Variants in RP1 observed in about 807,000 individuals in gnomAD.
RP1 encodes the protein RP1 axonemal microtubule associated, also known as oxygen-regulated protein 1.
In RP1, 16 loss-of-function variants were observed where a neutral mutation model predicts 14.8. That is an observed-to-expected ratio of 1.08 (90% CI 0.73 to 1.65). The LOEUF (loss-of-function observed/expected upper bound fraction) is 1.65, where lower values mean the gene tolerates loss of function less well. Ranked by LOEUF, RP1 falls within the 40% of genes most tolerant of loss-of-function variation. The pLI is 0.00. For missense variants in RP1, 2,631 were observed against 2,535.0 expected, an observed-to-expected ratio of 1.04 and a Z score of -0.81; for synonymous variants, 876 against 883.6, an observed-to-expected ratio of 0.99 and a Z score of 0.15.
At chr8:54,652,002 T>C (rs2129326054) in intron 4 of RP1, among the ~76,000 whole-genome samples, 1 of 128,634 alleles carries the variant, frequency 7.8e-6, no homozygotes, top group African/African-American at 2.7e-5. Flanking sequence ...GTATGTTCTT[T>C]AATTTACACT....
At chr8:54,865,358 C>T (rs970584340) in intron 27 of RP1, among the ~76,000 whole-genome samples, 1 of 151,368 alleles carries the variant, frequency 6.6e-6, no homozygotes, top group Non-Finnish European at 1.5e-5. Context: ...TTCCTCCCTT[C>T]TTCCCTCCTT....
At chr8:54,618,618 T>G (rs1805781421) in intron 1 of RP1, among the ~76,000 whole-genome samples, 1 of 152,174 alleles carries the variant, frequency 6.6e-6, no homozygotes, top group Admixed American at 6.5e-5. Context: ...CAACCTAAAA[T>G]ATAATTGGAG....
chr8:54,587,654 G>A (rs1804962137), intron 1 of RP1, among the ~76,000 whole-genome samples: 1 of 152,208 alleles, frequency 6.6e-6, no homozygotes, highest in African/African-American at 2.4e-5. Context: ...AGGTTTGTTA[G>A]ACAGCAGAAT....
At chr8:54,606,974 T>C (rs919827381) in intron 1 of RP1, among the ~76,000 whole-genome samples, 2 of 152,200 alleles carry the variant, frequency 1.3e-5, no homozygotes, top group African/African-American at 4.8e-5. Context: ...TTTAACTTCT[T>C]TGCCATGGGT....
chr8:54,777,821 A>C (rs1810080054), intron 23 of RP1, among the ~76,000 whole-genome samples: 1 of 152,164 alleles, frequency 6.6e-6, no homozygotes, highest in African/African-American at 2.4e-5. Context: ...GAAAATGTGG[A>C]TCATACAAGG....
exon 22 of RP1, chr8:54,759,036 G>A (rs1354632048): frequency 1.8e-5 from 28 of 1,535,612 alleles, no homozygotes; most frequent in African/African-American, 2.7e-5. Flanking sequence ...CATAGTCAGA[G>A]AGCCCGGCAC....
At chr8:54,577,169 C>A (rs2129295129) in intron 1 of RP1, among the ~76,000 whole-genome samples, 1 of 152,218 alleles carries the variant, frequency 6.6e-6, no homozygotes, top group Non-Finnish European at 1.5e-5. Context: ...GCACAAGCCA[C>A]CATACCCAGC....
At chr8:54,735,533 A>G (rs1376170330) in intron 18 of RP1, among the ~76,000 whole-genome samples, 1 of 152,172 alleles carries the variant, frequency 6.6e-6, no homozygotes, top group Non-Finnish European at 1.5e-5. Flanking sequence ...AGGACAACTC[A>G]TGTCACCAGG....
intron 3 of RP1, among the ~76,000 whole-genome samples, chr8:54,639,363 T>C (rs1314649113): frequency 6.6e-6 from 1 of 152,216 alleles, no homozygotes; most frequent in East Asian, 1.9e-4. Context: ...TTATTATGGA[T>C]ATAAGTTATA....
intron 7 of RP1, among the ~76,000 whole-genome samples, chr8:54,669,757 C>A (rs1182793024): frequency 6.6e-6 from 1 of 151,988 alleles, no homozygotes; most frequent in Non-Finnish European, 1.5e-5. Context: ...AACCATCATT[C>A]TGAGCAAACT....
chr8:54,835,600 TA>T (rs59148771), intron 24 of RP1, among the ~76,000 whole-genome samples: 46,486 of 151,826 alleles, frequency 0.31, 7,332 homozygotes, highest in South Asian at 0.37. Flanking sequence ...TTCTGACTCA[TA>T]AAAAAAATAG....
chr8:54,777,924 A>G (rs1810081700), intron 23 of RP1, among the ~76,000 whole-genome samples: 1 of 152,214 alleles, frequency 6.6e-6, no homozygotes, highest in Admixed American at 6.5e-5. Context: ...AATGACACTA[A>G]TGACACATCA....
intron 1 of RP1, among the ~76,000 whole-genome samples, chr8:54,594,569 A>G (rs1805098863): frequency 6.6e-6 from 1 of 152,272 alleles, no homozygotes; most frequent in African/African-American, 2.4e-5. Context: ...TTTTTACAAT[A>G]AAACAGAATA....
chr8:54,666,880 A>T (rs1035473095), intron 7 of RP1, among the ~76,000 whole-genome samples: 1 of 151,940 alleles, frequency 6.6e-6, no homozygotes, highest in South Asian at 2.1e-4. Context: ...GTAGGAGCCA[A>T]TCCCTTGGAT....
At chr8:54,821,879 A>G (rs1164166993) in intron 24 of RP1, among the ~76,000 whole-genome samples, 1 of 152,182 alleles carries the variant, frequency 6.6e-6, no homozygotes, top group African/African-American at 2.4e-5. Context: ...CAAGCAGGAA[A>G]AAAAATGGAT....
At chr8:54,772,587 C>A (rs1428586020), downstream of RP1, among the ~76,000 whole-genome samples, 1 of 152,126 alleles carries the variant, frequency 6.6e-6, no homozygotes, top group Non-Finnish European at 1.5e-5. Flanking sequence ...TTATATATTT[C>A]ATCCTCCAGT....
intron 1 of RP1, among the ~76,000 whole-genome samples, chr8:54,586,094 T>G (rs1804914205): frequency 6.6e-6 from 1 of 152,132 alleles, no homozygotes; most frequent in African/African-American, 2.4e-5. Context: ...AGTTTCCAGT[T>G]TTTCTGCTCT....
intron 19 of RP1, among the ~76,000 whole-genome samples, chr8:54,739,522 A>G (rs1457929260): frequency 6.6e-6 from 1 of 152,196 alleles, no homozygotes; most frequent in African/African-American, 2.4e-5. Context: ...ATTTATGGTT[A>G]TATTTGCAAA....
intron 25 of RP1, among the ~76,000 whole-genome samples, chr8:54,845,960 A>G (rs1268792574): frequency 6.6e-6 from 1 of 152,176 alleles, no homozygotes; most frequent in Non-Finnish European, 1.5e-5. Context: ...ATAGGGGAAG[A>G]CTCAATTCCA....
Sources: gnomAD v4.1 joint callset for allele counts (sites outside exome capture counted in the v4.1 genomes callset) on GRCh38, gnomAD v4.1.1 for gene constraint, MANE v1.5 for transcripts, NCBI Gene and HGNC (gene_info 2026-07-23, HGNC 2026-07-21) for gene names.